Variants in PCDH15 observed in about 807,000 individuals in gnomAD.
The protein encoded by PCDH15 is protocadherin related 15, also known as protocadherin-15.
In PCDH15, 129 loss-of-function variants were observed where a neutral mutation model predicts 178.5. That is an observed-to-expected ratio of 0.72 (90% CI 0.63 to 0.84). PCDH15 has a LOEUF of 0.84. PCDH15 is among the 40% of genes least tolerant of loss of function. PCDH15 has a pLI of 0.00. For missense variants in PCDH15, 2,230 were observed against 2,099.9 expected (o/e 1.06, Z -1.21); for synonymous variants, 800 against 732.0 (o/e 1.09, Z -1.50).
intron 3 of PCDH15, among the ~76,000 whole-genome samples, chr10:54,835,482 A>G (rs1245650246): frequency 1.3e-5 from 2 of 152,104 alleles, no homozygotes; most frequent in Non-Finnish European, 2.9e-5. Flanking sequence ...TAATTTCCAT[A>G]AGTATACACA....
At chr10:54,284,186 C>T (rs888946523) in intron 8 of PCDH15, among the ~76,000 whole-genome samples, 10 of 151,914 alleles carry the variant, frequency 6.6e-5, no homozygotes, top group African/African-American at 2.2e-4. Flanking sequence ...TAGAATTAAC[C>T]AAAAAATAAA....
chr10:55,258,002 C>T (rs1480166975), intron 1 of PCDH15, among the ~76,000 whole-genome samples: 1 of 152,114 alleles, frequency 6.6e-6, no homozygotes, highest in East Asian at 1.9e-4. Flanking sequence ...AAAGGGAAGC[C>T]CATCAGACTA....
chr10:55,513,941 T>TA (rs1422002906), intron 2 of PCDH15, among the ~76,000 whole-genome samples: 1 of 152,078 alleles, frequency 6.6e-6, no homozygotes, highest in Admixed American at 6.6e-5. Flanking sequence ...TGCAAAATTT[T>TA]ATCTTATTTT....
intron 1 of PCDH15, among the ~76,000 whole-genome samples, chr10:54,700,063 T>C (rs2095288194): frequency 6.6e-6 from 1 of 152,106 alleles, no homozygotes; most frequent in Non-Finnish European, 1.5e-5. Context: ...GGCCTGGCAT[T>C]AGCCCCCCAG....
intron 2 of PCDH15, among the ~76,000 whole-genome samples, chr10:55,067,932 C>T (rs764590698): frequency 1.7e-4 from 26 of 151,526 alleles, no homozygotes; most frequent in Admixed American, 7.9e-4. Context: ...ATTTTTAATG[C>T]GATTATTTGT....
intron 2 of PCDH15, among the ~76,000 whole-genome samples, chr10:55,135,851 TGG>T (rs1838180971): frequency 6.6e-6 from 1 of 152,106 alleles, no homozygotes. Context: ...CCCAAAGTGC[TGG>T]GATTACAGGC....
chr10:54,960,825 C>T (rs1284011959), intron 2 of PCDH15, among the ~76,000 whole-genome samples: 1 of 152,032 alleles, frequency 6.6e-6, no homozygotes, highest in Non-Finnish European at 1.5e-5. Flanking sequence ...TAGGCATGTA[C>T]AGAAAGATAG....
intron 1 of PCDH15, among the ~76,000 whole-genome samples, chr10:54,758,178 T>C (rs747599467): frequency 6.6e-6 from 1 of 152,356 alleles, no homozygotes; most frequent in African/African-American, 2.4e-5. Flanking sequence ...TGTTTTAGTA[T>C]GTAAATACAG....
At chr10:54,148,432 T>C (rs1201028559) in intron 14 of PCDH15, among the ~76,000 whole-genome samples, 2 of 152,110 alleles carry the variant, frequency 1.3e-5, no homozygotes, top group African/African-American at 4.8e-5. Flanking sequence ...TTGTAATACA[T>C]ATAAAATATT....
intron 2 of PCDH15, among the ~76,000 whole-genome samples, chr10:55,028,822 C>T (rs1431872458): frequency 6.6e-6 from 1 of 151,966 alleles, no homozygotes. Context: ...TGTTTATCTG[C>T]TTCTAGTGAT....
intron 1 of PCDH15, among the ~76,000 whole-genome samples, chr10:54,688,163 G>A (rs1591062275): frequency 6.6e-6 from 1 of 152,022 alleles, no homozygotes. Context: ...CCCAATGAAG[G>A]CATTATCTTA....
intron 1 of PCDH15, among the ~76,000 whole-genome samples, chr10:54,785,361 C>T (rs1286174126): frequency 6.6e-6 from 1 of 151,922 alleles, no homozygotes; most frequent in Non-Finnish European, 1.5e-5. Flanking sequence ...CTTTCACAAT[C>T]CCCTCCTCCT....
At chr10:54,370,709 G>T (rs1178285710) in intron 4 of PCDH15, among the ~76,000 whole-genome samples, 1 of 151,628 alleles carries the variant, frequency 6.6e-6, no homozygotes, top group African/African-American at 2.4e-5. Flanking sequence ...ACACCTAAGG[G>T]ATTACATACA....
chr10:54,626,537 G>T (rs773257734), intron 2 of PCDH15, among the ~76,000 whole-genome samples: 1 of 152,178 alleles, frequency 6.6e-6, no homozygotes, highest in Non-Finnish European at 1.5e-5. Context: ...CAGTTTCCAC[G>T]TGGTGTTGAG....
At chr10:55,318,733 C>T (rs1843799442) in intron 1 of PCDH15, among the ~76,000 whole-genome samples, 1 of 152,070 alleles carries the variant, frequency 6.6e-6, no homozygotes, top group African/African-American at 2.4e-5. Context: ...TGCTCAAGTA[C>T]ATTTATTTCC....
intron 5 of PCDH15, among the ~76,000 whole-genome samples, chr10:54,357,882 TTGACAAACC>T (rs1398641198): frequency 6.6e-6 from 1 of 152,064 alleles, no homozygotes; most frequent in East Asian, 1.9e-4. Flanking sequence ...TATCTGATCT[TTGACAAACC>T]TGACAAAAAC....
At chr10:53,902,225 G>T (rs2926411) in intron 26 of PCDH15, among the ~76,000 whole-genome samples, 1 of 151,888 alleles carries the variant, frequency 6.6e-6, no homozygotes, top group Non-Finnish European at 1.5e-5. Flanking sequence ...ATTCAGGTCA[G>T]GGGTCTGTAC....
chr10:55,335,557 A>G (rs1478425953), intron 2 of PCDH15, among the ~76,000 whole-genome samples: 1 of 152,162 alleles, frequency 6.6e-6, no homozygotes, highest in Non-Finnish European at 1.5e-5. Context: ...ATTGCTAGTA[A>G]TTTGCTTGTG....
chr10:55,140,747 G>A (rs760746473), intron 2 of PCDH15, among the ~76,000 whole-genome samples: 7 of 151,808 alleles, frequency 4.6e-5, no homozygotes, highest in East Asian at 1.9e-4. Flanking sequence ...TTTCTTGTGG[G>A]GGATATTTTT....
Sources: gnomAD v4.1 joint callset for allele counts (sites outside exome capture counted in the v4.1 genomes callset) on GRCh38, gnomAD v4.1.1 for gene constraint, MANE v1.5 for transcripts, NCBI Gene and HGNC (gene_info 2026-07-23, HGNC 2026-07-21) for gene names.